PEBP4: variants seen among roughly 807,000 people sequenced by gnomAD.
PEBP4 encodes phosphatidylethanolamine binding protein 4, also known as phosphatidylethanolamine-binding protein 4.
A neutral mutation model predicts 23.9 loss-of-function variants in PEBP4; 22 were observed. The ratio of observed to expected loss-of-function variants is 0.92; its 90% CI spans 0.66 to 1.31. The LOEUF is 1.31. Ranked by LOEUF, PEBP4 falls within the 40% of genes most tolerant of loss-of-function variation. The probability of loss-of-function intolerance (pLI) is 0.00; values close to 1 mark genes in which losing one functional copy is unlikely to be tolerated. For missense variants in PEBP4, 324 were observed against 281.7 expected (o/e 1.15, Z -1.07); for synonymous variants, 112 against 99.3 (o/e 1.13, Z -0.76).
At chr8:22,848,124 C>T (rs1301563963) in intron 3 of PEBP4, among the ~76,000 whole-genome samples, 1 of 152,006 alleles carries the variant, frequency 6.6e-6, no homozygotes, top group Non-Finnish European at 1.5e-5. Flanking sequence ...GTCTGTCGGT[C>T]CATGTGCTGT....
At chr8:22,822,540 C>G (rs1407360916) in intron 3 of PEBP4, among the ~76,000 whole-genome samples, 2 of 151,976 alleles carry the variant, frequency 1.3e-5, no homozygotes, top group Non-Finnish European at 2.9e-5. Flanking sequence ...TCTTCTTCTT[C>G]TTTTTATTTT....
At chr8:22,870,378 A>G (rs917810006) in intron 3 of PEBP4, among the ~76,000 whole-genome samples, 6 of 152,210 alleles carry the variant, frequency 3.9e-5, no homozygotes, top group African/African-American at 1.4e-4. Flanking sequence ...AACATTCTCA[A>G]AAAGGCAAAA....
chr8:22,867,390 G>C (rs575852084), intron 3 of PEBP4, among the ~76,000 whole-genome samples: 1 of 152,262 alleles, frequency 6.6e-6, no homozygotes, highest in South Asian at 2.1e-4. Flanking sequence ...ATCCGAGCCT[G>C]CGAAGATGTC....
intron 3 of PEBP4, among the ~76,000 whole-genome samples, chr8:22,892,952 G>T (rs535700804): frequency 5.9e-5 from 9 of 152,326 alleles, no homozygotes; most frequent in African/African-American, 2.2e-4. Context: ...GTCCAAGGGG[G>T]TTAAGGTGGT....
chr8:22,894,144 T>C (rs1274110606), intron 3 of PEBP4, among the ~76,000 whole-genome samples: 1 of 152,082 alleles, frequency 6.6e-6, no homozygotes, highest in East Asian at 1.9e-4. Context: ...AAGTACCCAT[T>C]GAAGATAAGA....
At chr8:22,879,658 C>A (rs1024905375) in intron 3 of PEBP4, among the ~76,000 whole-genome samples, 1 of 152,112 alleles carries the variant, frequency 6.6e-6, no homozygotes, top group African/African-American at 2.4e-5. Context: ...GGTCGAGGGT[C>A]GGGGAGGACA....
intron 4 of PEBP4, among the ~76,000 whole-genome samples, chr8:22,756,805 A>T (rs75853930): frequency 0.13 from 19,535 of 151,750 alleles, 1,517 homozygotes; most frequent in South Asian, 0.23. Flanking sequence ...TGGTGGCCAA[A>T]CTCCACCATT....
At chr8:22,721,721 A>T (rs1333087984) in intron 6 of PEBP4, among the ~76,000 whole-genome samples, 1 of 151,748 alleles carries the variant, frequency 6.6e-6, no homozygotes, top group East Asian at 1.9e-4. Context: ...AACCCCTGAC[A>T]CCCTGCTTCC....
At chr8:22,730,061 G>C (rs1205225666) in intron 4 of PEBP4, among the ~76,000 whole-genome samples, 1 of 152,124 alleles carries the variant, frequency 6.6e-6, no homozygotes, top group South Asian at 2.1e-4. Flanking sequence ...CTAACTCAAG[G>C]TCTCATGCCT....
chr8:22,860,168 G>A lies in PEBP4; in HGVS notation c.259-42433C>T, dbSNP rs1331967049. ...AAAAATTATATATACACATATATAT[G>A]TATATATATATACACATATATATGT... On this transcript the variant is annotated intron_variant, in intron 3 of 6. Transcript: ENST00000256404. 1.1e-4 allele frequency among the ~76,000 whole-genome samples: 13 copies of A among 122,778 alleles called. 1 individual carries two copies. The highest frequency in any genetic ancestry group is 2.4e-4 in the African/African-American group (8 of 33,436). The allele number at this position is 122,778 out of a possible 152,430, so 80.5% of individuals were successfully genotyped here. A position where few individuals can be genotyped will look rare whatever the true frequency, so the allele number is the denominator to read the frequency against.
intron 4 of PEBP4, among the ~76,000 whole-genome samples, chr8:22,813,799 G>C (rs1175082304): frequency 6.6e-6 from 1 of 152,192 alleles, no homozygotes; most frequent in African/African-American, 2.4e-5. Context: ...GTCTCTGCCT[G>C]TCCTAGCCTG....
chr8:22,940,490 CTTT>C (rs761722562), intron 1 of PEBP4, among the ~76,000 whole-genome samples: 1 of 110,012 alleles, frequency 9.1e-6, no homozygotes, highest in Admixed American at 1.0e-4. Context: ...ATGAATTTCT[CTTT>C]TTTTTTTTTT....
chr8:22,797,730 C>T lies in PEBP4; in HGVS notation c.357+19907G>A, dbSNP rs148606008. On this transcript the variant is annotated intron_variant, in intron 4 of 6. Transcript: ENST00000256404. ...GGAAGAGAGTCTTGCTGCTATCCATCGCAGGGGCAATGATGCAGTGTATCA... is the reference window on the plus strand; with the variant it reads ...GGAAGAGAGTCTTGCTGCTATCCATTGCAGGGGCAATGATGCAGTGTATCA... 3.4e-3 allele frequency among the ~76,000 whole-genome samples: 525 copies of T among 152,206 alleles called. 3 individuals carry two copies. The highest frequency in any genetic ancestry group is 0.012 in the African/African-American group (500 of 41,520).
intron 4 of PEBP4, among the ~76,000 whole-genome samples, chr8:22,731,641 T>TTATC (rs201193655): frequency 3.0e-4 from 32 of 105,816 alleles, no homozygotes; most frequent in Middle Eastern, 5.5e-3. Context: ...ATTTATTTAT[T>TTATC]TATCTATCTA....
chr8:22,882,582 C>A (rs557972092), intron 3 of PEBP4, among the ~76,000 whole-genome samples: 1 of 152,180 alleles, frequency 6.6e-6, no homozygotes, highest in South Asian at 2.1e-4. Flanking sequence ...AGAAAGCAGC[C>A]GCAAATGTGA....
Position 22,713,261 on chromosome 8 carries a change from T to C in PEBP4, c.*109A>G. On this transcript the variant is annotated 3_prime_UTR_variant, in exon 7 of 7. Transcript: ENST00000256404. ...ATACAAAGCACCAAGCCCTGGATGA[T>C]TTTTTTTTTATTTGGAAAAGAAGGG... The C allele has an allele frequency of 8.1e-7, 1 of 1,227,612 alleles. No homozygotes were observed. Among genetic ancestry groups the C allele is most frequent in the Non-Finnish European group, 1.0e-6 (1 of 955,250 alleles). The allele number at this position is 1,227,612 out of a possible 1,614,324, so 76.0% of individuals were successfully genotyped here. A position where few individuals can be genotyped will look rare whatever the true frequency, so the allele number is the denominator to read the frequency against.
chr8:22,727,225 A>G lies in PEBP4; in HGVS notation c.358-5T>C. 4 of 1,613,472 alleles carry G rather than the reference A, an allele frequency of 2.5e-6. No homozygotes were observed. In the South Asian group the frequency reaches 4.4e-5, roughly 18 times the overall value. On this transcript the variant is annotated splice_region_variant and splice_polypyrimidine_tract_variant and intron_variant, in intron 4 of 6. Coordinates refer to ENST00000256404, the MANE Select transcript of PEBP4 (RefSeq NM_144962.3). ...CCCTTTCTTCAGGTCGGCGCCCTGA[A>G]AGAAGAGACAAGCAGGGCTGTAGGT...
intron 4 of PEBP4, among the ~76,000 whole-genome samples, chr8:22,736,397 G>A (rs1804861433): frequency 6.6e-6 from 1 of 152,100 alleles, no homozygotes; most frequent in Admixed American, 6.5e-5. Context: ...TTAGGGCCAG[G>A]AGTTGCAGAG....
chr8:22,795,963 C>A (rs1237508229), intron 4 of PEBP4, among the ~76,000 whole-genome samples: 1 of 152,152 alleles, frequency 6.6e-6, no homozygotes, highest in Non-Finnish European at 1.5e-5. Context: ...GTGAGAATTT[C>A]TGAGCATTTC....
Sources: gnomAD v4.1 joint callset for allele counts (sites outside exome capture counted in the v4.1 genomes callset) on GRCh38, gnomAD v4.1.1 for gene constraint, MANE v1.5 for transcripts, NCBI Gene and HGNC (gene_info 2026-07-23, HGNC 2026-07-21) for gene names.